IBSP: variants seen among roughly 807,000 people sequenced by gnomAD.
The protein encoded by IBSP is integrin-binding sialoprotein.
Under a neutral mutation model 25.5 loss-of-function variants are expected in IBSP, and 19 were observed. That is an observed-to-expected ratio of 0.74 (90% CI 0.52 to 1.09). The LOEUF is 1.09. IBSP is among the 50% of genes least tolerant of loss of function. The pLI, the probability that IBSP is intolerant of heterozygous loss-of-function variation, is 0.00. For synonymous variants in IBSP, 144 were observed against 137.6 expected, an observed-to-expected ratio of 1.05 and a Z score of -0.33; for missense variants, 360 against 382.3, an observed-to-expected ratio of 0.94 and a Z score of 0.49.
chr4:87,811,875 G>A lies in IBSP; in HGVS notation c.919G>A (p.Gly307Ser), dbSNP rs1036569439. 6.5e-7 allele frequency: 1 copy of A among 1,542,596 alleles called. No homozygotes were observed. Among genetic ancestry groups the A allele is most frequent in the Non-Finnish European group, 8.7e-7 (1 of 1,144,470 alleles). Residue 307 changes from glycine (G) to serine (S), a missense_variant, in exon 7 of 7, where the codon GGC becomes AGC. Physicochemically the swap from Gly to Ser is moderately conservative, Grantham distance 56. Coordinates refer to ENST00000226284, the MANE Select transcript of IBSP (RefSeq NM_004967.4). ...CTACTTTAAAGGACAAGGCTACGATGGCTATGATGGTCAGAATTACTACCA... is the reference window on the plus strand; with the variant it reads ...CTACTTTAAAGGACAAGGCTACGATAGCTATGATGGTCAGAATTACTACCA... ...YSYFKGQGYD[G>S]YDGQNYYHHQ
At chr4:87,810,496 T>G in intron 5 of IBSP, 110 bp from the exon 6 acceptor site, 2 of 817,116 alleles carry the variant, frequency 2.4e-6, no homozygotes, top group Admixed American at 2.4e-5. Context: ...AGCTGAGGGA[T>G]GCAAAGTTTT....
At chr4:87,801,723 C>A (rs979088905) in intron 1 of IBSP, among the ~76,000 whole-genome samples, 1 of 152,080 alleles carries the variant, frequency 6.6e-6, no homozygotes, top group Non-Finnish European at 1.5e-5. Context: ...GGTATGAACA[C>A]GGCTCACTGC....
chr4:87,801,409 A>C (rs2616264), intron 1 of IBSP, among the ~76,000 whole-genome samples: 119,004 of 151,280 alleles, frequency 0.79, 47,260 homozygotes, highest in African/African-American at 0.89. Flanking sequence ...GTGCTACATG[A>C]TGTCAGTGTG....
At position 87,812,002 on chromosome 4, in the gene IBSP, T is replaced by G. The variant is rs976882350; in HGVS notation, c.*92T>G. ...TCAGGAAGGTGCAATATAACAAATG[T>G]GCATATTATAATGAGGAATGGTACT... On this transcript the variant is annotated 3_prime_UTR_variant, in exon 7 of 7. Coordinates refer to ENST00000226284, the MANE Select transcript of IBSP (RefSeq NM_004967.4). The G allele has an allele frequency of 2.2e-5, 22 of 989,426 alleles. No individual in the cohort carries two copies. Among genetic ancestry groups the G allele is most frequent in the Non-Finnish European group, 3.3e-5 (22 of 672,532 alleles). 61.3% of individuals were successfully genotyped at this position (989,426 alleles called of 1,614,324 possible).
At chr4:87,807,774 G>A (rs189865007) in intron 5 of IBSP, among the ~76,000 whole-genome samples, 23 of 152,274 alleles carry the variant, frequency 1.5e-4, no homozygotes, top group African/African-American at 3.9e-4. Context: ...TTCCCAGAAC[G>A]TGTCTGCAGA....
At chr4:87,805,833 A>G (rs1196225260) in intron 4 of IBSP, among the ~76,000 whole-genome samples, 4 of 152,200 alleles carry the variant, frequency 2.6e-5, no homozygotes, top group Non-Finnish European at 5.9e-5. Flanking sequence ...ATGTTTCAAT[A>G]TATTGTCAAT....
At chr4:87,810,874 C>T (rs1388528041) in intron 6 of IBSP, 110 bp downstream of exon 6, 10 of 840,752 alleles carry the variant, frequency 1.2e-5, no homozygotes, top group South Asian at 7.8e-5. Flanking sequence ...CCTAACACTA[C>T]ACACATAGTA....
At chr4:87,811,339 T>G (rs745359771) in intron 6 of IBSP, 23 bp from the exon 7 acceptor site, 1 of 1,572,136 alleles carries the variant, frequency 6.4e-7, no homozygotes, top group South Asian at 1.2e-5. Context: ...TAGATTTGGG[T>G]TCTTTCAAAC....
chr4:87,801,497 CACACACACACACACACACGCATAT>C (rs922764360), intron 1 of IBSP, among the ~76,000 whole-genome samples: 13 of 129,904 alleles, frequency 1.0e-4, no homozygotes, highest in African/African-American at 2.9e-4. Flanking sequence ...CACACACACA[CACACACACACACACACACGCATAT>C]ACACACACAC....
At chr4:87,801,238 G>A (rs1722010187) in intron 1 of IBSP, among the ~76,000 whole-genome samples, 1 of 151,912 alleles carries the variant, frequency 6.6e-6, no homozygotes, top group Non-Finnish European at 1.5e-5. Context: ...CCTAACCCTG[G>A]AGAGCCCCTA....
rs766839715 is a variant in IBSP, at chr4:87,811,457, A to C, written c.501A>C (p.Ala167=). 2 of 1,613,886 alleles carry C rather than the reference A, an allele frequency of 1.2e-6. No homozygotes were observed. Among genetic ancestry groups the C allele is most frequent in the African/African-American group, 2.7e-5 (2 of 74,920 alleles). ...GAAATGAAAACGAAGAAAGCGAAGC[A>C]GAAGTGGATGAAAACGAACAAGGCA... ...EEGNENEESE[A]EVDENEQGIN... The change falls in exon 7 of 7, where the codon GCA becomes GCC. Residue 167 remains alanine, a synonymous_variant. Transcript: ENST00000226284.
rs778491870 is a variant in IBSP, at chr4:87,811,586, T to C, written c.630T>C (p.Asn210=). 6.2e-6 allele frequency: 10 copies of C among 1,613,200 alleles called. No individual in the cohort carries two copies. Among genetic ancestry groups the C allele is most frequent in the Non-Finnish European group, 8.5e-6 (10 of 1,179,796 alleles). ...EGEEESVTGA[N]AEDTTETGRQ... ...AAGAAGAAAGTGTCACTGGAGCCAA[T>C]GCAGAAGACACCACAGAGACCGGAA... is the stretch of plus-strand genomic sequence containing the variant. The change falls in exon 7 of 7, where the codon AAT becomes AAC. Residue 210 remains asparagine (N), a synonymous_variant. Transcript: ENST00000226284.
intron 1 of IBSP, among the ~76,000 whole-genome samples, chr4:87,801,356 G>A (rs902362913): frequency 1.4e-5 from 2 of 147,730 alleles, no homozygotes; most frequent in African/African-American, 4.9e-5. Flanking sequence ...GCGAAACTCT[G>A]AAGAACTCCT....
intron 1 of IBSP, among the ~76,000 whole-genome samples, chr4:87,801,757 C>T (rs1367928741): frequency 6.6e-6 from 1 of 152,014 alleles, no homozygotes. Flanking sequence ...CAGGCTCAGC[C>T]TCTCGAGTAA....
At chr4:87,804,799 G>A (rs971653831) in intron 4 of IBSP, among the ~76,000 whole-genome samples, 2 of 152,152 alleles carry the variant, frequency 1.3e-5, no homozygotes, top group African/African-American at 4.8e-5. Context: ...GACACTAATC[G>A]AAGAGTGATG....
intron 5 of IBSP, among the ~76,000 whole-genome samples, chr4:87,809,135 T>A (rs34668320): frequency 0.2 from 31,075 of 152,092 alleles, 3,666 homozygotes; most frequent in African/African-American, 0.31. Flanking sequence ...TGTTAGCCAA[T>A]CTAGTGAGTT....
intron 5 of IBSP, among the ~76,000 whole-genome samples, chr4:87,810,062 A>T (rs1722149204): frequency 6.6e-6 from 1 of 152,114 alleles, no homozygotes; most frequent in Non-Finnish European, 1.5e-5. Flanking sequence ...CGTTTCTACT[A>T]AAAATACAAA....
Position 87,802,645 on chromosome 4 carries a change from T to C in IBSP, c.106-9T>C. Reference sequence around the variant, plus strand: ...AAACATGAATATATCATTTATTTTGTTTTTGCAGGTCTTTAAGTACAGGCC... The same window carrying C: ...AAACATGAATATATCATTTATTTTGCTTTTGCAGGTCTTTAAGTACAGGCC... On this transcript the variant is annotated splice_polypyrimidine_tract_variant and intron_variant, in intron 3 of 6. Transcript: ENST00000226284. 2 of 1,571,726 alleles carry C rather than the reference T, an allele frequency of 1.3e-6. No individual in the cohort carries two copies. Among genetic ancestry groups the C allele is most frequent in the Non-Finnish European group, 1.7e-6 (2 of 1,165,954 alleles).
At position 87,806,144 on chromosome 4, in the gene IBSP, A is replaced by G. The variant is rs1262700636; in HGVS notation, c.206A>G (p.Glu69Gly). The G allele has an allele frequency of 2.5e-6, 4 of 1,611,748 alleles. No individual in the cohort carries two copies. The African/African-American group carries it at 4.0e-5, about 16-fold the overall frequency. Reference sequence around the variant, plus strand: ...TAGGGCAGTAGTGACTCATCCGAAGAAAATGGAGATGACAGTTCAGAAGAG... The same window carrying G: ...TAGGGCAGTAGTGACTCATCCGAAGGAAATGGAGATGACAGTTCAGAAGAG... ...PVQGSSDSSE[E>G]NGDDSSEEEE... Residue 69 changes from glutamate to glycine, a missense_variant, in exon 5 of 7, where the codon GAA (glutamate) becomes GGA (glycine). By Grantham distance (98) the Glu-to-Gly change is moderately conservative. Coordinates refer to ENST00000226284, the MANE Select transcript of IBSP (RefSeq NM_004967.4).
Sources: allele counts gnomAD v4.1 joint callset (sites outside exome capture counted in the v4.1 genomes callset), GRCh38; gene constraint gnomAD v4.1.1; transcripts MANE v1.5; gene names NCBI Gene and HGNC (gene_info 2026-07-23, HGNC 2026-07-21).